Variants in ROCK2 observed in about 807,000 individuals in gnomAD.
The protein encoded by ROCK2 is Rho associated coiled-coil containing protein kinase 2, also known as rho-associated protein kinase 2.
Under a neutral mutation model 195.1 loss-of-function variants are expected in ROCK2, and 61 were observed. The ratio of observed to expected loss-of-function variants is 0.31; its 90% CI spans 0.25 to 0.39. The LOEUF is 0.39. Among genes scored for constraint, ROCK2 ranks in the 10% least tolerant of loss-of-function variants. The pLI is 1.00. For missense variants in ROCK2, 1,109 were observed against 1,637.4 expected (o/e 0.68, Z 5.57); for synonymous variants, 504 against 545.5 (o/e 0.92, Z 1.06).
chr2:11,198,027 C>T (rs1018999978), intron 25 of ROCK2, among the ~76,000 whole-genome samples: 1 of 152,158 alleles, frequency 6.6e-6, no homozygotes, highest in African/African-American at 2.4e-5. Context: ...GCAGACCTTT[C>T]TTCTTTTATT....
At chr2:11,327,294 C>T (rs1323081186) in intron 1 of ROCK2, among the ~76,000 whole-genome samples, 1 of 152,182 alleles carries the variant, frequency 6.6e-6, no homozygotes, top group East Asian at 1.9e-4. Flanking sequence ...CAAAAGTTTA[C>T]AGTCAGAGCC....
chr2:11,335,177 G>C (rs1354192098), intron 1 of ROCK2, among the ~76,000 whole-genome samples: 1 of 151,742 alleles, frequency 6.6e-6, no homozygotes, highest in Non-Finnish European at 1.5e-5. Context: ...GGAAGGCGGG[G>C]AATGAGAGAA....
intron 3 of ROCK2, among the ~76,000 whole-genome samples, chr2:11,270,669 A>T: frequency 6.6e-6 from 1 of 152,246 alleles, no homozygotes; most frequent in South Asian, 2.1e-4. Flanking sequence ...ATTTCTGTTA[A>T]AAGTGTTTTT....
intron 18 of ROCK2, among the ~76,000 whole-genome samples, chr2:11,210,506 A>G (rs904037643): frequency 1.7e-4 from 26 of 151,848 alleles, no homozygotes; most frequent in African/African-American, 5.3e-4. Context: ...ACATCCAGCT[A>G]ATTTTTCTAT....
intron 1 of ROCK2, among the ~76,000 whole-genome samples, chr2:11,331,500 G>C (rs150825735): frequency 6.6e-6 from 1 of 151,942 alleles, no homozygotes; most frequent in African/African-American, 2.4e-5. Flanking sequence ...CAACAAAAGG[G>C]AAAGAAATAA....
At chr2:11,241,235 T>C (rs998034654) in intron 4 of ROCK2, among the ~76,000 whole-genome samples, 1 of 152,026 alleles carries the variant, frequency 6.6e-6, no homozygotes, top group African/African-American at 2.4e-5. Context: ...TTAGAGCAGA[T>C]ACTGTAGAAG....
At chr2:11,340,584 T>G (rs1321273538) in intron 1 of ROCK2, among the ~76,000 whole-genome samples, 1 of 152,208 alleles carries the variant, frequency 6.6e-6, no homozygotes, top group Admixed American at 6.5e-5. Context: ...AAATGATTTT[T>G]AATTTTTATT....
chr2:11,239,693 TG>T (rs1017757590), intron 4 of ROCK2, among the ~76,000 whole-genome samples: 4 of 152,192 alleles, frequency 2.6e-5, no homozygotes, highest in Admixed American at 1.3e-4. Flanking sequence ...CCACCCCAAC[TG>T]GGTGTTCTGC....
At chr2:11,332,493 T>A (rs1349995185) in intron 1 of ROCK2, among the ~76,000 whole-genome samples, 2 of 152,088 alleles carry the variant, frequency 1.3e-5, no homozygotes, top group East Asian at 3.9e-4. Flanking sequence ...TTAGCAAAAA[T>A]CAAAAGAACA....
At chr2:11,244,381 G>A (rs1317372557) in intron 4 of ROCK2, among the ~76,000 whole-genome samples, 2 of 152,110 alleles carry the variant, frequency 1.3e-5, no homozygotes, top group Non-Finnish European at 2.9e-5. Context: ...TTGAAGCTGG[G>A]TGAACTGTAC....
chr2:11,236,578 G>A (rs1665213703), intron 4 of ROCK2, among the ~76,000 whole-genome samples: 2 of 152,124 alleles, frequency 1.3e-5, no homozygotes, highest in Non-Finnish European at 1.5e-5. Flanking sequence ...ACCAGAGAAA[G>A]AAGATACCAG....
intron 3 of ROCK2, among the ~76,000 whole-genome samples, chr2:11,278,323 G>A (rs1371248837): frequency 6.6e-6 from 1 of 152,072 alleles, no homozygotes; most frequent in Non-Finnish European, 1.5e-5. Context: ...TATTCTTTCT[G>A]TGCCTGGGCT....
intron 3 of ROCK2, among the ~76,000 whole-genome samples, chr2:11,258,352 T>C (rs1180237613): frequency 6.6e-6 from 1 of 151,514 alleles, no homozygotes; most frequent in African/African-American, 2.5e-5. Context: ...TTCTTTGATA[T>C]CACCTGCTGT....
chr2:11,227,475 T>TTAC, intron 5 of ROCK2, 77 bp from the exon 6 acceptor site: 1 of 1,332,682 alleles, frequency 7.5e-7, no homozygotes, highest in Non-Finnish European at 1.0e-6. Context: ...AATCCATTTA[T>TTAC]TACTAGATAT....
At chr2:11,202,667 T>C (rs1359812679) in intron 20 of ROCK2, among the ~76,000 whole-genome samples, 1 of 151,890 alleles carries the variant, frequency 6.6e-6, no homozygotes, top group African/African-American at 2.4e-5. Flanking sequence ...CTGGCTAATT[T>C]TTGTATTTTT....
In ROCK2 at chr2:11,315,469, T is replaced by TAA. The variant is rs143973958; in HGVS notation, c.142-27735_142-27734dup. Among the ~76,000 whole-genome samples the TAA allele has an allele frequency of 7.1e-3, 1,068 of 150,990 alleles. 16 individuals are homozygous for TAA. The highest frequency in any genetic ancestry group is 0.025 in the African/African-American group (1,016 of 41,188). On this transcript the variant is annotated intron_variant, in intron 1 of 32. Transcript: ENST00000315872. Reference sequence around the variant, plus strand: ...TTAATTAAATTATGAATAAAACTAGTAAAAAAAAACAGTAAATTATCTGAG... The same window carrying TAA: ...TTAATTAAATTATGAATAAAACTAGTAAAAAAAAAAACAGTAAATTATCTGAG...
intron 4 of ROCK2, among the ~76,000 whole-genome samples, chr2:11,238,072 T>C (rs994906843): frequency 2.6e-5 from 4 of 152,154 alleles, no homozygotes; most frequent in African/African-American, 9.7e-5. Flanking sequence ...AGTGAGACTT[T>C]GACTAGCGGG....
intron 7 of ROCK2, 69 bp downstream of exon 7, chr2:11,224,253 T>C (rs1664737122): frequency 1.4e-6 from 2 of 1,390,518 alleles, no homozygotes; most frequent in Non-Finnish European, 2.0e-6. Context: ...GTTAATAAGC[T>C]AGGCATGCTT....
intron 3 of ROCK2, among the ~76,000 whole-genome samples, chr2:11,266,995 T>G (rs1666440089): frequency 1.3e-5 from 2 of 152,212 alleles, no homozygotes; most frequent in Admixed American, 6.5e-5. Context: ...ATCTTCCTTT[T>G]TCTTCTCTTT....
Sources: gnomAD v4.1 joint callset for allele counts (sites outside exome capture counted in the v4.1 genomes callset) on GRCh38, gnomAD v4.1.1 for gene constraint, MANE v1.5 for transcripts, NCBI Gene and HGNC (gene_info 2026-07-23, HGNC 2026-07-21) for gene names.